The following SLC8A1 variants were observed in gnomAD, a reference collection of about 807,000 sequenced individuals.
SLC8A1 encodes the protein solute carrier family 8 member A1, also known as sodium/calcium exchanger 1.
SLC8A1 carries 18 observed loss-of-function variants against 68.3 expected under a neutral mutation model. The observed-to-expected ratio is 0.26, with a 90% CI of 0.18 to 0.39. SLC8A1 has a LOEUF of 0.39. Among genes scored for constraint, SLC8A1 ranks in the 10% least tolerant of loss-of-function variants. SLC8A1 has a pLI of 1.00. For synonymous variants in SLC8A1, 475 were observed against 415.5 expected (o/e 1.14, Z -1.74); for missense variants, 985 against 1,156.7 (o/e 0.85, Z 2.15).
intron 2 of SLC8A1, among the ~76,000 whole-genome samples, chr2:40,272,567 C>A (rs1287796506): frequency 6.6e-6 from 1 of 152,202 alleles, no homozygotes; most frequent in Non-Finnish European, 1.5e-5. Context: ...AGGACTGGGT[C>A]AGGTCCCTGC....
rs1014437031 is a variant in SLC8A1 at position 40,254,303 on chromosome 2, G to A, written c.1809-76448C>T. The A allele has an allele frequency of 4.0e-5, 6 of 149,992 alleles. No individual in the cohort carries two copies. In the East Asian group the frequency reaches 9.6e-4, roughly 24 times the overall value. The allele number at this position is 149,992 out of a possible 1,614,324, so 9.3% of individuals were successfully genotyped here. ...ACGGTCAAAATGAATGCCACACCTT[G>A]TGAGACAGCATGCAAAACTCAGTTT... On this transcript the variant is annotated intron_variant, in intron 2 of 7. Transcript: ENST00000406785.
intron 2 of SLC8A1, among the ~76,000 whole-genome samples, chr2:40,306,637 C>T (rs890471852): frequency 2.0e-5 from 3 of 152,280 alleles, no homozygotes; most frequent in East Asian, 1.9e-4. Context: ...ACTTGGTTCT[C>T]GTGCCAAAGT....
chr2:40,135,535 C>T (rs2006286), intron 7 of SLC8A1, among the ~76,000 whole-genome samples: 59,304 of 151,646 alleles, frequency 0.39, 11,823 homozygotes, highest in East Asian at 0.61. Flanking sequence ...CTGACCAATA[C>T]GGTGAAATCC....
chr2:40,377,771 C>G (rs551926155), intron 2 of SLC8A1, among the ~76,000 whole-genome samples: 1 of 152,242 alleles, frequency 6.6e-6, no homozygotes, highest in East Asian at 1.9e-4. Flanking sequence ...CCAATCAGGT[C>G]TACTTCTACT....
chr2:40,231,179 C>T (rs2059600675), intron 2 of SLC8A1, among the ~76,000 whole-genome samples: 1 of 152,144 alleles, frequency 6.6e-6, no homozygotes. Context: ...GGTGCTGGTT[C>T]TTGGCACAGT....
intron 2 of SLC8A1, among the ~76,000 whole-genome samples, chr2:40,217,861 A>G (rs2057731664): frequency 6.6e-6 from 1 of 152,236 alleles, no homozygotes; most frequent in Non-Finnish European, 1.5e-5. Context: ...CTAGGGTTAG[A>G]AAGTGAAAAA....
chr2:40,202,251 G>A (rs185692943), intron 2 of SLC8A1, among the ~76,000 whole-genome samples: 51 of 152,018 alleles, frequency 3.4e-4, no homozygotes, highest in African/African-American at 1.2e-3. Flanking sequence ...CACCTCAAAT[G>A]TCCTACTTCC....
intron 3 of SLC8A1, among the ~76,000 whole-genome samples, chr2:40,175,487 T>C (rs909768898): frequency 2.7e-5 from 4 of 149,990 alleles, no homozygotes; most frequent in African/African-American, 9.8e-5. Flanking sequence ...AAAATGTGTG[T>C]GATTGAATAC....
chr2:40,244,639 TG>T (rs1354517023), intron 2 of SLC8A1, among the ~76,000 whole-genome samples: 4 of 119,792 alleles, frequency 3.3e-5, no homozygotes, highest in African/African-American at 8.5e-5. Context: ...AATTTTAGCC[TG>T]TCTATGCAAT....
intron 2 of SLC8A1, among the ~76,000 whole-genome samples, chr2:40,377,026 G>A (rs1054428342): frequency 6.6e-6 from 1 of 152,078 alleles, no homozygotes; most frequent in Non-Finnish European, 1.5e-5. Flanking sequence ...TGGCAAAGGT[G>A]AGGGGATGTC....
rs917410512 is a variant in SLC8A1, at chr2:40,434,788, G to T, written c.-24-4484C>A. 3.3e-5 allele frequency among the ~76,000 whole-genome samples: 5 copies of T among 152,130 alleles called. 1 individual carries two copies. The South Asian group carries it at 8.3e-4, about 25-fold the overall frequency. ...AACAACACACAACCCATCACCCACA[G>T]ATTACAGACCCAAATGACACTGACA... On this transcript the variant is annotated intron_variant, in intron 1 of 7. Coordinates refer to ENST00000406785, the Ensembl canonical transcript of SLC8A1.
intron 2 of SLC8A1, among the ~76,000 whole-genome samples, chr2:40,302,076 T>A (rs922053175): frequency 6.8e-6 from 1 of 147,292 alleles, no homozygotes; most frequent in African/African-American, 2.6e-5. Context: ...TGTGTGTGTT[T>A]AGTAGAGAAG....
intron 2 of SLC8A1, among the ~76,000 whole-genome samples, chr2:40,252,107 C>CTCTTTTAATTTTCATCTCCAAATTT (rs2062854501): frequency 2.0e-5 from 3 of 152,066 alleles, no homozygotes; most frequent in African/African-American, 2.4e-5. Context: ...ATTATTTTCC[C>CTCTTTTAATTTTCATCTCCAAATTT]TCTTTTAATT....
chr2:40,332,468 T>A (rs1007137500), intron 2 of SLC8A1, among the ~76,000 whole-genome samples: 4 of 152,104 alleles, frequency 2.6e-5, no homozygotes, highest in African/African-American at 9.7e-5. Flanking sequence ...TACTTATGTA[T>A]CTTTATCCCG....
chr2:40,168,607 A>ATACTT (rs1310568801), intron 4 of SLC8A1, among the ~76,000 whole-genome samples: 1 of 152,244 alleles, frequency 6.6e-6, no homozygotes, highest in Non-Finnish European at 1.5e-5. Context: ...CTGTCTTTAG[A>ATACTT]TACTTTCTGT....
At chr2:40,353,708 C>A (rs748842309) in intron 2 of SLC8A1, among the ~76,000 whole-genome samples, 10 of 152,186 alleles carry the variant, frequency 6.6e-5, no homozygotes, top group Admixed American at 2.0e-4. Context: ...TGCCTTTGTA[C>A]TCTTTCTCCC....
intron 4 of SLC8A1, among the ~76,000 whole-genome samples, chr2:40,171,509 C>G (rs2047488351): frequency 6.6e-6 from 1 of 152,298 alleles, no homozygotes; most frequent in East Asian, 1.9e-4. Flanking sequence ...GGGTACTTCT[C>G]ACTTTTCACT....
chr2:40,251,759 A>C (rs549146698), intron 2 of SLC8A1: 70 of 152,328 alleles, frequency 4.6e-4, no homozygotes, highest in African/African-American at 1.6e-3. Flanking sequence ...CCATTTAATA[A>C]GTAAATACAT....
chr2:40,346,245 G>C (rs918869290), intron 2 of SLC8A1, among the ~76,000 whole-genome samples: 2 of 151,964 alleles, frequency 1.3e-5, no homozygotes, highest in Non-Finnish European at 2.9e-5. Flanking sequence ...TTGATGGGAG[G>C]AGTGACGAGA....
Sources: allele counts gnomAD v4.1 joint callset (sites outside exome capture counted in the v4.1 genomes callset), GRCh38; gene constraint gnomAD v4.1.1; transcripts MANE v1.5; gene names NCBI Gene and HGNC (gene_info 2026-07-23, HGNC 2026-07-21).